Variants in GALNT5 observed in about 807,000 individuals in gnomAD.
GALNT5 encodes UDP-GalNAc:polypeptide N-acetylgalactosaminyltransferase 5.
A neutral mutation model predicts 85.4 loss-of-function variants in GALNT5; 72 were observed. The observed-to-expected ratio is 0.84, with a 90% CI of 0.70 to 1.03. GALNT5 has a LOEUF of 1.03. GALNT5 is among the 50% of genes least tolerant of loss of function. GALNT5 has a pLI of 0.00. For synonymous variants in GALNT5, 404 were observed against 397.0 expected (o/e 1.02, Z -0.21); for missense variants, 1,137 against 1,135.5 (o/e 1.00, Z -0.02).
chr2:157,264,456 C>T (rs16841439), intron 1 of GALNT5, among the ~76,000 whole-genome samples: 1,987 of 152,208 alleles, frequency 0.013, 39 homozygotes, highest in African/African-American at 0.045. Context: ...CGTTACTCAA[C>T]TGCTTAATTT....
At position 157,299,588 on chromosome 2, in the gene GALNT5, A is replaced by T. The variant is rs1374443621; in HGVS notation, c.2038A>T (p.Ser680Cys). The T allele has an allele frequency of 1.9e-6, 3 of 1,613,282 alleles. No individual in the cohort carries two copies. Among genetic ancestry groups the T allele is most frequent in the Non-Finnish European group, 2.5e-6 (3 of 1,179,404 alleles). The change falls in exon 6 of 10, where the codon AGT becomes TGT. Residue 680 changes from serine to cysteine, a missense_variant. Coordinates refer to ENST00000259056, the MANE Select transcript of GALNT5 (RefSeq NM_014568.3). ...MAGGLFSIDK[S>C]YFFELGTYDP... ...TGGTGGATTGTTTTCTATTGACAAA[A>T]GTTACTTTTTTGAACTTGGAACATA... is the stretch of plus-strand genomic sequence containing the variant.
chr2:157,279,493 G>C (rs1682812099), intron 1 of GALNT5, among the ~76,000 whole-genome samples: 1 of 151,826 alleles, frequency 6.6e-6, no homozygotes. Context: ...AGTTTGAGCT[G>C]CTTTGTTTAC....
In GALNT5 at chr2:157,258,681, G is replaced by T; in HGVS notation, c.599G>T (p.Ser200Ile). 1 of 1,613,916 alleles carries T rather than the reference G, an allele frequency of 6.2e-7. No individual in the cohort carries two copies. The highest frequency in any genetic ancestry group is 8.5e-7 in the Non-Finnish European group (1 of 1,180,008). ...AGTTTAAAACAGGAGCCCCGGAAGA[G>T]TCATAGTCCCAGCAGTGACACATCA... The part of the protein sequence containing the change: ...RVSLKQEPRK[S>I]HSPSSDTSKL... Residue 200 changes from serine (S) to isoleucine (I), a missense_variant, in exon 1 of 10, where the codon AGT (serine) becomes ATT (isoleucine). Ser to Ile is a moderately radical substitution (Grantham distance 142). Coordinates refer to ENST00000259056, the MANE Select transcript of GALNT5 (RefSeq NM_014568.3).
intron 1 of GALNT5, among the ~76,000 whole-genome samples, chr2:157,273,668 T>G (rs1338120915): frequency 3.4e-5 from 4 of 118,006 alleles, no homozygotes; most frequent in Non-Finnish European, 6.8e-5. Flanking sequence ...TTGAGACAGA[T>G]TTTTGCTCTT....
rs1003289463 is a variant in GALNT5 at position 157,299,666 on chromosome 2, G to A, written c.2115+1G>A. The A allele has an allele frequency of 2.0e-6, 3 of 1,482,740 alleles. No homozygotes were observed. The highest frequency in any genetic ancestry group is 2.8e-6 in the Non-Finnish European group (3 of 1,067,542). 91.8% of individuals were successfully genotyped at this position (1,482,740 alleles called of 1,614,324 possible). A position where few individuals can be genotyped will look rare whatever the true frequency, so the allele number is the denominator to read the frequency against. On this transcript the variant is annotated splice_donor_variant, in intron 6 of 9. Coordinates refer to ENST00000259056, the MANE Select transcript of GALNT5 (RefSeq NM_014568.3). LOFTEE classifies it high-confidence loss of function. ...GGAAAATATGGAGCTCTCATTCAAG[G>A]TATTACCAGGTGTTTCCCAACTTTT...
chr2:157,293,691 C>T (rs576786009), intron 3 of GALNT5, among the ~76,000 whole-genome samples: 13 of 152,188 alleles, frequency 8.5e-5, no homozygotes, highest in Non-Finnish European at 1.6e-4. Flanking sequence ...CACACCAATA[C>T]CTTGCCCTCA....
chr2:157,318,392 T>G lies in GALNT5; in HGVS notation c.*7044T>G, dbSNP rs993157200. ...TTCCTTAAAAAATGATAAAAATTTT[T>G]CATGTATATTACATATCTACCTACC... On this transcript the variant is annotated 3_prime_UTR_variant, in exon 10 of 10. Coordinates refer to ENST00000259056, the MANE Select transcript of GALNT5 (RefSeq NM_014568.3). 6.6e-6 allele frequency among the ~76,000 whole-genome samples: 1 copy of G among 152,170 alleles called. No individual in the cohort carries two copies. Among genetic ancestry groups the G allele is most frequent in the African/African-American group, 2.4e-5 (1 of 41,448 alleles).
At position 157,286,149 on chromosome 2, in the gene GALNT5, A is replaced by AT. The variant is rs1346983994; in HGVS notation, c.1741+22dup. On this transcript the variant is annotated intron_variant, in intron 3 of 9. Coordinates refer to ENST00000259056, the MANE Select transcript of GALNT5 (RefSeq NM_014568.3). ...GAATGCAACAGGTAAGAAGTTACTC[A>AT]TTTTTTTGTTTGTTACATTTTTATT... 3.1e-6 allele frequency: 5 copies of AT among 1,599,946 alleles called. No individual in the cohort carries two copies. Among genetic ancestry groups the AT allele is most frequent in the Non-Finnish European group, 4.3e-6 (5 of 1,173,590 alleles).
chr2:157,269,468 T>G (rs1682534575), intron 1 of GALNT5, among the ~76,000 whole-genome samples: 1 of 152,196 alleles, frequency 6.6e-6, no homozygotes, highest in African/African-American at 2.4e-5. Context: ...TCCACAGAAT[T>G]TCTTCATTGT....
chr2:157,302,795 A>G (rs2105165031), intron 7 of GALNT5, among the ~76,000 whole-genome samples: 1 of 152,286 alleles, frequency 6.6e-6, no homozygotes, highest in African/African-American at 2.4e-5. Flanking sequence ...CCGCTATACT[A>G]TATCAAAATG....
At chr2:157,285,241 T>C (rs2121347) in intron 2 of GALNT5, among the ~76,000 whole-genome samples, 60,290 of 152,072 alleles carry the variant, frequency 0.4, 16,272 homozygotes, top group African/African-American at 0.76. Context: ...TGTGGGATGA[T>C]AGAGAAAAAC....
intron 1 of GALNT5, among the ~76,000 whole-genome samples, chr2:157,274,204 C>T (rs1192873400): frequency 6.6e-6 from 1 of 152,186 alleles, no homozygotes; most frequent in Non-Finnish European, 1.5e-5. Context: ...GCCATGTTTT[C>T]TTAATCCATT....
intron 1 of GALNT5, among the ~76,000 whole-genome samples, chr2:157,270,889 G>A (rs1405236602): frequency 6.6e-6 from 1 of 152,232 alleles, no homozygotes; most frequent in South Asian, 2.1e-4. Flanking sequence ...GCTGAGGCGG[G>A]TGGATCACAA....
At chr2:157,289,835 G>A (rs1459491374) in intron 3 of GALNT5, among the ~76,000 whole-genome samples, 1 of 152,014 alleles carries the variant, frequency 6.6e-6, no homozygotes, top group Non-Finnish European at 1.5e-5. Flanking sequence ...ACTTTGGGAG[G>A]CCAAGGCAGG....
At chr2:157,264,174 T>TACACACACACAC (rs59575957) in intron 1 of GALNT5, among the ~76,000 whole-genome samples, 2 of 144,608 alleles carry the variant, frequency 1.4e-5, no homozygotes, top group Non-Finnish European at 3.1e-5. Flanking sequence ...TCAACACACA[T>TACACACACACAC]ACACACACAC....
Position 157,291,252 on chromosome 2 carries a change from T to C in GALNT5, c.1742-4411T>C, listed in dbSNP as rs78276739. Among the ~76,000 whole-genome samples, 1,092 of 152,282 alleles carry C rather than the reference T, an allele frequency of 7.2e-3. 14 individuals carry two copies. The highest frequency in any genetic ancestry group is 0.025 in the African/African-American group (1,053 of 41,554). On this transcript the variant is annotated intron_variant, in intron 3 of 9. Coordinates refer to ENST00000259056, the MANE Select transcript of GALNT5 (RefSeq NM_014568.3). ...TTAGGTTTTCATTTCCTTCATGACA[T>C]GGCATTTGGCAAAATTCCTGACATT...
At chr2:157,292,394 G>C (rs1158145110) in intron 3 of GALNT5, among the ~76,000 whole-genome samples, 1 of 152,158 alleles carries the variant, frequency 6.6e-6, no homozygotes, top group African/African-American at 2.4e-5. Flanking sequence ...TCTGAAAGTA[G>C]AGCAATAGCA....
chr2:157,277,952 GCT>G (rs1469500042), intron 1 of GALNT5, among the ~76,000 whole-genome samples: 2 of 152,150 alleles, frequency 1.3e-5, no homozygotes, highest in Non-Finnish European at 2.9e-5. Flanking sequence ...TTTTGCAGTG[GCT>G]GGTACCAGTT....
rs1394482450 is a variant in GALNT5, at chr2:157,295,692, G to C, written c.1771G>C (p.Val591Leu). 1 of 1,613,122 alleles carries C rather than the reference G, an allele frequency of 6.2e-7. No homozygotes were observed. Among genetic ancestry groups the C allele is most frequent in the Non-Finnish European group, 8.5e-7 (1 of 1,179,306 alleles). Residue 591 changes from valine to leucine, a missense_variant, in exon 4 of 10, where the codon GTG becomes CTG. Physicochemically the swap from Val to Leu is conservative, Grantham distance 32. Coordinates refer to ENST00000259056, the MANE Select transcript of GALNT5 (RefSeq NM_014568.3). The part of the protein sequence containing the change: ...GDVLTFLDSH[V>L]ECNVGWLEPL... ...TGTGTTGACATTTTTAGATTCTCAT[G>C]TGGAATGTAACGTTGGTTGGTTGGA...
Sources: allele counts gnomAD v4.1 joint callset (sites outside exome capture counted in the v4.1 genomes callset), GRCh38; gene constraint gnomAD v4.1.1; transcripts MANE v1.5; gene names NCBI Gene and HGNC (gene_info 2026-07-23, HGNC 2026-07-21).